Variants in PXDNL observed in about 807,000 individuals in gnomAD.
PXDNL encodes the protein peroxidasin like.
PXDNL carries 145 observed loss-of-function variants against 150.8 expected under a neutral mutation model. The ratio of observed to expected loss-of-function variants is 0.96; its 90% CI spans 0.84 to 1.10. The LOEUF (loss-of-function observed/expected upper bound fraction) is 1.10, where lower values mean the gene tolerates loss of function less well. Ranked by LOEUF, PXDNL falls within the 50% of genes least tolerant of loss-of-function variation. PXDNL has a pLI of 0.00. For missense variants in PXDNL, 2,087 were observed against 1,873.9 expected (o/e 1.11, Z -2.10); for synonymous variants, 757 against 725.7 (o/e 1.04, Z -0.69).
chr8:51,704,274 C>G (rs1294922272), intron 1 of PXDNL, among the ~76,000 whole-genome samples: 1 of 152,150 alleles, frequency 6.6e-6, no homozygotes, highest in Non-Finnish European at 1.5e-5. Context: ...GCTTTTTTAA[C>G]TGATGTTTTC....
intron 4 of PXDNL, among the ~76,000 whole-genome samples, chr8:51,537,471 G>A (rs1198902571): frequency 6.6e-6 from 1 of 152,106 alleles, no homozygotes; most frequent in African/African-American, 2.4e-5. Flanking sequence ...CTCCCCTCTA[G>A]CCATTTTAAA....
intron 1 of PXDNL, among the ~76,000 whole-genome samples, chr8:51,696,817 A>ATC (rs1816150754): frequency 4.4e-3 from 1 of 226 alleles, no homozygotes; most frequent in African/African-American, 0.021. Context: ...ACACACACAC[A>ATC]CACACACACA....
intron 1 of PXDNL, among the ~76,000 whole-genome samples, chr8:51,763,947 T>C (rs909460348): frequency 1.3e-5 from 2 of 152,232 alleles, no homozygotes; most frequent in Admixed American, 6.5e-5. Flanking sequence ...ACCTGGGATA[T>C]AGCTATGAGA....
chr8:51,369,069 T>C (rs13438832), intron 19 of PXDNL, among the ~76,000 whole-genome samples: 1 of 152,286 alleles, frequency 6.6e-6, no homozygotes, highest in East Asian at 1.9e-4. Flanking sequence ...AGAGTGAGAT[T>C]AGCAAAGGAG....
At position 51,409,020 on chromosome 8, in the gene PXDNL, C is replaced by G. The variant is rs764592107; in HGVS notation, c.2604G>C (p.Ala868=). 4.7e-5 allele frequency: 75 copies of G among 1,610,736 alleles called. No individual in the cohort carries two copies. Among genetic ancestry groups the G allele is most frequent in the Non-Finnish European group, 6.1e-5 (72 of 1,179,820 alleles). Reference sequence around the variant, plus strand: ...TCGCAGAGGGACGGCCGCTGGCACACGCGGGGCTGGAGCGCGCGAAGAGCA... The same window carrying G: ...TCGCAGAGGGACGGCCGCTGGCACAGGCGGGGCTGGAGCGCGCGAAGAGCA... ...PCMLFARSSP[A]CASGRPSATV... Residue 868 remains alanine, a synonymous_variant, in exon 17 of 23, where the codon GCG becomes GCC. Coordinates refer to ENST00000356297, the MANE Select transcript of PXDNL (RefSeq NM_144651.5).
intron 19 of PXDNL, among the ~76,000 whole-genome samples, chr8:51,352,048 A>G (rs999685284): frequency 6.6e-6 from 1 of 152,070 alleles, no homozygotes; most frequent in Non-Finnish European, 1.5e-5. Context: ...AAGGGATGAC[A>G]TGAGGGCGTG....
intron 8 of PXDNL, among the ~76,000 whole-genome samples, chr8:51,461,350 C>A (rs115760632): frequency 1.6e-3 from 237 of 152,356 alleles, no homozygotes; most frequent in African/African-American, 5.4e-3. Flanking sequence ...TAGCCACAGC[C>A]TCTGCCTGAG....
At position 51,457,572 on chromosome 8, in the gene PXDNL, T is replaced by C. The variant is rs547242106; in HGVS notation, c.908A>G (p.Tyr303Cys). ...AGCGGAATTTCTGGCCATGCACTGA[T>C]AGACACCTTGGTCTGACTCTCTGGT... is the stretch of plus-strand genomic sequence containing the variant. ...RNTRESDQGVYQCMARNSAGE... is the reference protein window; with the variant it reads ...RNTRESDQGVCQCMARNSAGE... The change falls in exon 9 of 23, where the codon TAT (tyrosine) becomes TGT (cysteine). Residue 303 changes from tyrosine to cysteine, a missense_variant. Physicochemically the swap from Tyr to Cys is radical, Grantham distance 194. Coordinates refer to ENST00000356297, the MANE Select transcript of PXDNL (RefSeq NM_144651.5). 2.5e-6 allele frequency: 4 copies of C among 1,613,906 alleles called. No homozygotes were observed. Among genetic ancestry groups the C allele is most frequent in the Non-Finnish European group, 2.5e-6 (3 of 1,179,812 alleles).
chr8:51,373,124 C>A (rs1340115139), intron 18 of PXDNL, among the ~76,000 whole-genome samples: 1 of 152,114 alleles, frequency 6.6e-6, no homozygotes, highest in Non-Finnish European at 1.5e-5. Context: ...GAGACAGGGC[C>A]TTTACATAGG....
At chr8:51,781,430 G>A (rs1361604857) in intron 1 of PXDNL, among the ~76,000 whole-genome samples, 1 of 152,180 alleles carries the variant, frequency 6.6e-6, no homozygotes, top group Non-Finnish European at 1.5e-5. Flanking sequence ...TTTGGGCTGC[G>A]AAGTCACCAT....
In PXDNL at chr8:51,738,098, C is replaced by A. The variant is rs570305990; in HGVS notation, c.164+71083G>T. On this transcript the variant is annotated intron_variant, in intron 1 of 22. Coordinates refer to ENST00000356297, the MANE Select transcript of PXDNL (RefSeq NM_144651.5). ...AAGTCAGTAATGTGCACCAATTGGA[C>A]CCCACAGGGCTTTCTAGCAGGCTTT... Among the ~76,000 whole-genome samples, 7 of 152,316 alleles carry A rather than the reference C, an allele frequency of 4.6e-5. 1 individual carries two copies. The highest frequency in any genetic ancestry group is 1.7e-4 in the African/African-American group (7 of 41,572).
chr8:51,370,515 A>C (rs1032764962), intron 19 of PXDNL, among the ~76,000 whole-genome samples: 3 of 152,132 alleles, frequency 2.0e-5, no homozygotes, highest in African/African-American at 7.2e-5. Context: ...TAAGAACTTG[A>C]GGTAAGGGAA....
chr8:51,762,574 AC>A (rs2037176989), intron 1 of PXDNL, among the ~76,000 whole-genome samples: 1 of 152,192 alleles, frequency 6.6e-6, no homozygotes, highest in Non-Finnish European at 1.5e-5. Flanking sequence ...GACAAACTCA[AC>A]TAATTGTCAA....
chr8:51,663,834 T>C (rs1436400153), intron 1 of PXDNL, among the ~76,000 whole-genome samples: 1 of 152,020 alleles, frequency 6.6e-6, no homozygotes, highest in African/African-American at 2.4e-5. Flanking sequence ...GGCAGATCAC[T>C]TGAGATCAGG....
intron 1 of PXDNL, among the ~76,000 whole-genome samples, chr8:51,760,845 CTTTTTTTTTTTTTTTTTTTT>C (rs71237237): frequency 2.2e-5 from 1 of 45,476 alleles, no homozygotes; most frequent in Admixed American, 3.7e-4. Context: ...ATCACTTAAA[CTTTTTTTTTTTTTTTTTTTT>C]TTTTTTTTTT....
intron 2 of PXDNL, 132 bp downstream of exon 2, chr8:51,654,557 C>G (rs1053812538): frequency 1.1e-5 from 7 of 660,608 alleles, no homozygotes; most frequent in Non-Finnish European, 1.9e-5. Context: ...AGAATTTTCC[C>G]AGTTATAAGA....
chr8:51,773,537 CA>C (rs1261661618), intron 1 of PXDNL, among the ~76,000 whole-genome samples: 1 of 152,166 alleles, frequency 6.6e-6, no homozygotes, highest in Non-Finnish European at 1.5e-5. Context: ...ACCAATAGCC[CA>C]AACACCTTCT....
At chr8:51,638,783 A>T (rs1186636555) in intron 2 of PXDNL, among the ~76,000 whole-genome samples, 2 of 152,118 alleles carry the variant, frequency 1.3e-5, no homozygotes, top group Non-Finnish European at 2.9e-5. Flanking sequence ...TCAACATTAG[A>T]CAGATCAACG....
intron 3 of PXDNL, among the ~76,000 whole-genome samples, chr8:51,557,173 T>C (rs1812617724): frequency 6.6e-6 from 1 of 152,190 alleles, no homozygotes; most frequent in Admixed American, 6.6e-5. Context: ...TTCTGACTAA[T>C]GGAGTCATAT....
Sources: allele counts gnomAD v4.1 joint callset (sites outside exome capture counted in the v4.1 genomes callset), GRCh38; gene constraint gnomAD v4.1.1; transcripts MANE v1.5; gene names NCBI Gene and HGNC (gene_info 2026-07-23, HGNC 2026-07-21).